Variants in SHISA9 observed in about 807,000 individuals in gnomAD.
The protein encoded by SHISA9 is protein shisa-9.
Under a neutral mutation model 38.0 loss-of-function variants are expected in SHISA9, and 13 were observed. The observed-to-expected ratio is 0.34, with a 90% CI of 0.22 to 0.54. SHISA9 has a LOEUF of 0.54. SHISA9 is among the 20% of genes least tolerant of loss of function. SHISA9 has a pLI of 0.91. For missense variants in SHISA9, 538 were observed against 575.8 expected (o/e 0.93, Z 0.67); for synonymous variants, 275 against 242.0 (o/e 1.14, Z -1.27).
At chr16:13,033,696 A>G (rs1287164137) in intron 2 of SHISA9, among the ~76,000 whole-genome samples, 2 of 152,194 alleles carry the variant, frequency 1.3e-5, no homozygotes, top group Non-Finnish European at 2.9e-5. Context: ...TTGGGAGACC[A>G]ATAGGAATGG....
In SHISA9 at chr16:13,013,512, G is replaced by A. The variant is rs540383958; in HGVS notation, c.691+96697G>A. Among the ~76,000 whole-genome samples the A allele has an allele frequency of 2.6e-5, 4 of 152,214 alleles. No individual in the cohort carries two copies. The East Asian group carries it at 5.8e-4, about 22-fold the overall frequency. ...TAAGTTCCGCGTGGCTAGGGATCAC[G>A]GTCAGTTTGCTCAGCCCATGCCCCA... On this transcript the variant is annotated intron_variant, in intron 2 of 4. Coordinates refer to ENST00000558583, the MANE Select transcript of SHISA9 (RefSeq NM_001145204.3).
intron 2 of SHISA9, among the ~76,000 whole-genome samples, chr16:13,106,297 G>A (rs1473009769): frequency 1.3e-5 from 2 of 152,194 alleles, no homozygotes; most frequent in African/African-American, 4.8e-5. Context: ...TGTATCTTCT[G>A]GGCCCAGCAT....
chr16:13,043,682 C>G lies in SHISA9; in HGVS notation c.691+126867C>G, dbSNP rs141658433. Among the ~76,000 whole-genome samples, 8 of 152,316 alleles carry G rather than the reference C, an allele frequency of 5.3e-5. No homozygotes were observed. The East Asian group carries it at 1.5e-3, about 29-fold the overall frequency. ...CCTCAGAGCTGCATCCCTCCTTGAT[C>G]TGATGCTCAGTAGTCCAGAGCCATG... On this transcript the variant is annotated intron_variant, in intron 2 of 4. Coordinates refer to ENST00000558583, the MANE Select transcript of SHISA9 (RefSeq NM_001145204.3).
chr16:13,305,197 G>A, the SHISA9 span, among the ~76,000 whole-genome samples: 2 of 152,160 alleles, frequency 1.3e-5, no homozygotes, highest in Admixed American at 6.5e-5. Flanking sequence ...CCCTGGGGAC[G>A]CTGAGTTTGT....
the SHISA9 span, among the ~76,000 whole-genome samples, chr16:13,492,571 G>A: frequency 6.6e-6 from 1 of 152,052 alleles, no homozygotes; most frequent in African/African-American, 2.4e-5. Context: ...ACTGTCGGCT[G>A]CCAAAAGCAT....
intron 2 of SHISA9, among the ~76,000 whole-genome samples, chr16:13,076,795 A>C (rs1256467158): frequency 2.0e-5 from 3 of 152,020 alleles, no homozygotes; most frequent in African/African-American, 7.3e-5. Context: ...CTTGGTTGTC[A>C]CCTCCACAGA....
At chr16:13,163,482 ATC>A (rs1460061937) in intron 2 of SHISA9, among the ~76,000 whole-genome samples, 4 of 152,048 alleles carry the variant, frequency 2.6e-5, no homozygotes, top group Non-Finnish European at 4.4e-5. Flanking sequence ...TGTTATTTTT[ATC>A]TCTGTTTCCA....
At chr16:13,067,034 G>T (rs925624564) in intron 2 of SHISA9, among the ~76,000 whole-genome samples, 3 of 152,216 alleles carry the variant, frequency 2.0e-5, no homozygotes, top group African/African-American at 7.2e-5. Flanking sequence ...GTATTAGGGT[G>T]GATGTTCAAA....
chr16:13,473,290 T>C, the SHISA9 span, among the ~76,000 whole-genome samples: 1 of 152,076 alleles, frequency 6.6e-6, no homozygotes, highest in East Asian at 1.9e-4. Context: ...ACATGTCTGA[T>C]AAGGTTTATT....
At chr16:13,413,913 C>T in the SHISA9 span, among the ~76,000 whole-genome samples, 5 of 152,120 alleles carry the variant, frequency 3.3e-5, no homozygotes, top group East Asian at 1.9e-4. Context: ...CTAAGTTAAA[C>T]GTGGGTCAGT....
chr16:13,275,662 A>T, the SHISA9 span, among the ~76,000 whole-genome samples: 4 of 151,942 alleles, frequency 2.6e-5, no homozygotes, highest in Non-Finnish European at 5.9e-5. Flanking sequence ...CGTTAGTATG[A>T]TTTCTTCTGT....
chr16:13,487,267 C>G, the SHISA9 span, among the ~76,000 whole-genome samples: 1 of 152,246 alleles, frequency 6.6e-6, no homozygotes, highest in South Asian at 2.1e-4. Flanking sequence ...TTAGGCCGTT[C>G]TTGCATTGCT....
chr16:12,993,013 A>G (rs2072408320), intron 2 of SHISA9, among the ~76,000 whole-genome samples: 1 of 152,206 alleles, frequency 6.6e-6, no homozygotes, highest in South Asian at 2.1e-4. Context: ...TTTGGCACAC[A>G]CTGCTTTGGG....
chr16:13,127,237 ATGAG>A (rs2050268036), intron 2 of SHISA9, among the ~76,000 whole-genome samples: 2 of 120,638 alleles, frequency 1.7e-5, no homozygotes, highest in South Asian at 6.9e-4. Flanking sequence ...GGGAGAAAGA[ATGAG>A]TGAGGGAGAG....
At chr16:12,930,254 A>G (rs936745465) in intron 2 of SHISA9, among the ~76,000 whole-genome samples, 1 of 152,242 alleles carries the variant, frequency 6.6e-6, no homozygotes, top group African/African-American at 2.4e-5. Context: ...AGCACATTTT[A>G]TCAAGTAAAT....
At chr16:13,544,352 A>G in the SHISA9 span, among the ~76,000 whole-genome samples, 221 of 149,098 alleles carry the variant, frequency 1.5e-3, 1 homozygote, top group African/African-American at 4.2e-3. Flanking sequence ...CCAGAATTTG[A>G]ACCCCATTCT....
chr16:13,375,887 G>C, the SHISA9 span, among the ~76,000 whole-genome samples: 2 of 152,162 alleles, frequency 1.3e-5, no homozygotes, highest in African/African-American at 2.4e-5. Flanking sequence ...CAAAATCCTA[G>C]CTCCCGTTTT....
rs2071019229 is a variant in SHISA9, at chr16:12,901,857, T to TGGAGGCGAACGCGGGC, written c.-207_-192dup. 6.2e-6 allele frequency: 1 copy of TGGAGGCGAACGCGGGC among 162,250 alleles called. No homozygotes were observed. The highest frequency in any genetic ancestry group is 2.5e-5 in the African/African-American group (1 of 40,250). The allele number at this position is 162,250 out of a possible 1,614,324, so 10.1% of individuals were successfully genotyped here. A position where few individuals can be genotyped will look rare whatever the true frequency, so the allele number is the denominator to read the frequency against. ...GCCGGCCCCTCGGCGCGCGGCGCGC[T>TGGAGGCGAACGCGGGC]GGAGGCGAACGCGGGCTGAGGCGAA... On this transcript the variant is annotated 5_prime_UTR_variant, in exon 1 of 5. Transcript: ENST00000558583.
chr16:13,514,830 G>A, the SHISA9 span, among the ~76,000 whole-genome samples: 7 of 151,914 alleles, frequency 4.6e-5, no homozygotes, highest in East Asian at 1.9e-4. Context: ...ATCGATACAC[G>A]TCGTAACTAA....
Sources: gnomAD v4.1 joint callset for allele counts (sites outside exome capture counted in the v4.1 genomes callset) on GRCh38, gnomAD v4.1.1 for gene constraint, MANE v1.5 for transcripts, NCBI Gene and HGNC (gene_info 2026-07-23, HGNC 2026-07-21) for gene names.